THEMIS: variants seen among roughly 807,000 people sequenced by gnomAD.
THEMIS encodes thymocyte selection associated.
A neutral mutation model predicts 52.6 loss-of-function variants in THEMIS; 37 were observed. That is an observed-to-expected ratio of 0.70 (90% CI 0.54 to 0.93). THEMIS has a LOEUF of 0.93. Among genes scored for constraint, THEMIS ranks in the 40% least tolerant of loss-of-function variants. The probability of loss-of-function intolerance (pLI) is 0.00; values close to 1 mark genes in which losing one functional copy is unlikely to be tolerated. For synonymous variants in THEMIS, 292 were observed against 272.7 expected (o/e 1.07, Z -0.70); for missense variants, 808 against 763.1 (o/e 1.06, Z -0.69).
chr6:127,917,697 C>T (rs1781555792), intron 1 of THEMIS, among the ~76,000 whole-genome samples: 1 of 152,112 alleles, frequency 6.6e-6, no homozygotes, highest in African/African-American at 2.4e-5. Flanking sequence ...GAAGAGAGAC[C>T]AACACCTGAA....
intron 4 of THEMIS, among the ~76,000 whole-genome samples, chr6:127,727,032 T>C (rs1042638491): frequency 1.3e-5 from 2 of 152,192 alleles, no homozygotes; most frequent in Non-Finnish European, 2.9e-5. Flanking sequence ...CTCCAGATAT[T>C]GGACAATCAT....
At chr6:127,769,435 C>T (rs1483905351) in intron 4 of THEMIS, among the ~76,000 whole-genome samples, 1 of 151,204 alleles carries the variant, frequency 6.6e-6, no homozygotes, top group African/African-American at 2.4e-5. Context: ...TTCCCAGGCA[C>T]TTACTAAATA....
chr6:127,815,624 A>C (rs1405238729), intron 3 of THEMIS, among the ~76,000 whole-genome samples: 1 of 152,248 alleles, frequency 6.6e-6, no homozygotes, highest in Non-Finnish European at 1.5e-5. Context: ...CACTTCTTAC[A>C]TTAATAAGTT....
chr6:127,707,888 A>G (rs186838780), downstream of THEMIS, among the ~76,000 whole-genome samples: 1 of 152,176 alleles, frequency 6.6e-6, no homozygotes, highest in East Asian at 1.9e-4. Flanking sequence ...CTCCTTTCTG[A>G]CAGCCTTTTC....
At chr6:127,794,673 C>G (rs539331582) in intron 4 of THEMIS, among the ~76,000 whole-genome samples, 32 of 152,326 alleles carry the variant, frequency 2.1e-4, no homozygotes, top group African/African-American at 7.7e-4. Context: ...AACATTTCCT[C>G]TCACTATGCA....
Position 127,731,864 on chromosome 6 carries a change from A to ATTTTTTTTTTTTTTTTTT in THEMIS, c.1759-12059_1759-12042dup, listed in dbSNP as rs58263706. Among the ~76,000 whole-genome samples, 15 of 41,716 alleles carry ATTTTTTTTTTTTTTTTTT rather than the reference A, an allele frequency of 3.6e-4. 2 individuals carry two copies. The highest frequency in any genetic ancestry group is 1.1e-3 in the African/African-American group (10 of 9,488). The allele number at this position is 41,716 out of a possible 152,430, so 27.4% of individuals were successfully genotyped here. A position where few individuals can be genotyped will look rare whatever the true frequency, so the allele number is the denominator to read the frequency against. ...AGGTGCATGCCACCATGCCCGGCTA[A>ATTTTTTTTTTTTTTTTTT]TTTTTTTTTTTTTTTTTTTTTTTAG... On this transcript the variant is annotated intron_variant, in intron 4 of 5. Transcript: ENST00000368248.
At position 127,731,060 on chromosome 6, in the gene THEMIS, T is replaced by C. The variant is rs555710126; in HGVS notation, c.1759-11237A>G. ...CTGTATTTTTAAAACTTTGCTTCTA[T>C]AAATTAGGCATATTTAGTACATCCT... is the stretch of plus-strand genomic sequence containing the variant. On this transcript the variant is annotated intron_variant, in intron 4 of 5. Coordinates refer to ENST00000368248, the MANE Select transcript of THEMIS (RefSeq NM_001010923.3). Among the ~76,000 whole-genome samples the C allele has an allele frequency of 3.9e-5, 6 of 152,364 alleles. No homozygotes were observed. In the South Asian group the frequency reaches 1.0e-3, roughly 26 times the overall value.
At chr6:127,908,918 T>A (rs908524190) in intron 1 of THEMIS, among the ~76,000 whole-genome samples, 3 of 152,086 alleles carry the variant, frequency 2.0e-5, no homozygotes, top group Admixed American at 2.0e-4. Flanking sequence ...CAGTCCTGTA[T>A]TATTAAAAGT....
At chr6:127,723,416 C>T (rs1774430639) in intron 4 of THEMIS, among the ~76,000 whole-genome samples, 1 of 152,008 alleles carries the variant, frequency 6.6e-6, no homozygotes, top group African/African-American at 2.4e-5. Flanking sequence ...TCCTTCTTTA[C>T]CCAAACATTG....
At chr6:127,778,553 T>C (rs1264378448) in intron 4 of THEMIS, among the ~76,000 whole-genome samples, 1 of 152,140 alleles carries the variant, frequency 6.6e-6, no homozygotes, top group African/African-American at 2.4e-5. Context: ...ACTTATTGGA[T>C]AAATTTGAAA....
chr6:127,823,672 TATTATC>T (rs1357436292), intron 3 of THEMIS, among the ~76,000 whole-genome samples: 1 of 152,044 alleles, frequency 6.6e-6, no homozygotes, highest in Non-Finnish European at 1.5e-5. Flanking sequence ...AAATTATACT[TATTATC>T]ATTTAGCAGG....
chr6:127,871,410 C>T (rs1342184827), intron 1 of THEMIS, among the ~76,000 whole-genome samples: 1 of 151,766 alleles, frequency 6.6e-6, no homozygotes, highest in East Asian at 1.9e-4. Context: ...ACTTTTAGCA[C>T]TGAATGGTGA....
At chr6:127,875,553 G>A (rs1240925956) in intron 1 of THEMIS, among the ~76,000 whole-genome samples, 4 of 152,180 alleles carry the variant, frequency 2.6e-5, no homozygotes, top group African/African-American at 9.6e-5. Context: ...TGCAATGTTG[G>A]AAATATAATC....
Position 127,871,168 on chromosome 6 carries a change from A to G in THEMIS, c.92-15980T>C, listed in dbSNP as rs538581266. Among the ~76,000 whole-genome samples the G allele has an allele frequency of 5.3e-5, 8 of 152,306 alleles. No individual in the cohort carries two copies. In the East Asian group the frequency reaches 1.3e-3, roughly 26 times the overall value. On this transcript the variant is annotated intron_variant, in intron 1 of 5. Coordinates refer to ENST00000368248, the MANE Select transcript of THEMIS (RefSeq NM_001010923.3). ...ATGAATTAAACTAAAAATCAATAAC[A>G]GAAAGATACCAAGAAATTCCCCAAA...
intron 1 of THEMIS, among the ~76,000 whole-genome samples, chr6:127,871,485 G>T (rs899322309): frequency 6.6e-6 from 1 of 151,002 alleles, no homozygotes; most frequent in Non-Finnish European, 1.5e-5. Context: ...TATGGAAAAA[G>T]AAACAGAAAA....
chr6:127,774,725 CACTT>C (rs1469067341), intron 4 of THEMIS, among the ~76,000 whole-genome samples: 2 of 152,168 alleles, frequency 1.3e-5, no homozygotes, highest in East Asian at 3.8e-4. Flanking sequence ...TTCAAAATAA[CACTT>C]ACCAATCTGC....
chr6:127,787,258 G>A (rs561994324), intron 4 of THEMIS, among the ~76,000 whole-genome samples: 1 of 151,438 alleles, frequency 6.6e-6, no homozygotes, highest in East Asian at 1.9e-4. Context: ...CTGCACTCTA[G>A]CATGCACATG....
downstream of THEMIS, among the ~76,000 whole-genome samples, chr6:127,704,579 T>C (rs550204008): frequency 5.3e-5 from 8 of 152,330 alleles, no homozygotes; most frequent in South Asian, 1.7e-3. Flanking sequence ...AGGAGACTGA[T>C]ATATGACAAT....
At chr6:127,839,914 A>T (rs1778991898) in intron 2 of THEMIS, among the ~76,000 whole-genome samples, 1 of 152,078 alleles carries the variant, frequency 6.6e-6, no homozygotes, top group Non-Finnish European at 1.5e-5. Context: ...TGAAGATTTA[A>T]AATTTCATGT....
Sources: gnomAD v4.1 joint callset for allele counts (sites outside exome capture counted in the v4.1 genomes callset) on GRCh38, gnomAD v4.1.1 for gene constraint, MANE v1.5 for transcripts, NCBI Gene and HGNC (gene_info 2026-07-23, HGNC 2026-07-21) for gene names.